The following CNTNAP2 variants were observed in gnomAD, a reference collection of about 807,000 sequenced individuals.
CNTNAP2 encodes contactin-associated protein-like 2.
In CNTNAP2, 98 loss-of-function variants were observed where a neutral mutation model predicts 155.2. That is an observed-to-expected ratio of 0.63 (90% CI 0.54 to 0.75). The LOEUF is 0.75. CNTNAP2 is among the 30% of genes least tolerant of loss of function. CNTNAP2 has a pLI of 0.00. For missense variants in CNTNAP2, 1,727 were observed against 1,688.1 expected (o/e 1.02, Z -0.40); for synonymous variants, 651 against 631.2 (o/e 1.03, Z -0.47).
intron 1 of CNTNAP2, among the ~76,000 whole-genome samples, chr7:146,491,639 G>C (rs527524904): frequency 6.6e-6 from 1 of 152,250 alleles, no homozygotes; most frequent in Non-Finnish European, 1.5e-5. Context: ...GAGGATGCCA[G>C]GCACCCATCA....
In CNTNAP2 at chr7:147,477,324, T is replaced by G. The variant is rs567059772; in HGVS notation, c.1671-8611T>G. The stretch of plus-strand genomic sequence containing the variant: ...TATAACCTCAAACTGAAAATGCCAC[T>G]GATTATCACTGGTTTCTACACACAG... On this transcript the variant is annotated intron_variant, in intron 10 of 23. Coordinates refer to ENST00000361727, the MANE Select transcript of CNTNAP2 (RefSeq NM_014141.6). Among the ~76,000 whole-genome samples the G allele has an allele frequency of 2.0e-5, 3 of 152,346 alleles. No individual in the cohort carries two copies. In the South Asian group the frequency reaches 6.2e-4, roughly 32 times the overall value.
chr7:147,822,098 T>C (rs556947528), intron 13 of CNTNAP2, among the ~76,000 whole-genome samples: 1 of 152,218 alleles, frequency 6.6e-6, no homozygotes, highest in South Asian at 2.1e-4. Flanking sequence ...ATGGAAGTCT[T>C]CTATGGTCTG....
chr7:146,327,364 C>A (rs746399427), intron 1 of CNTNAP2, among the ~76,000 whole-genome samples: 1 of 152,118 alleles, frequency 6.6e-6, no homozygotes, highest in Non-Finnish European at 1.5e-5. Flanking sequence ...TAGCATCAGG[C>A]AGATGGCAGA....
intron 8 of CNTNAP2, among the ~76,000 whole-genome samples, chr7:147,198,469 C>A (rs775866874): frequency 1.3e-5 from 2 of 152,112 alleles, no homozygotes; most frequent in African/African-American, 4.8e-5. Flanking sequence ...TGACCTCAGG[C>A]GATCCACCCA....
intron 8 of CNTNAP2, among the ~76,000 whole-genome samples, chr7:147,205,246 C>A (rs1802999744): frequency 6.6e-6 from 1 of 152,074 alleles, no homozygotes; most frequent in African/African-American, 2.4e-5. Flanking sequence ...CCGCCACCCT[C>A]CCTCCTTCTA....
At chr7:147,758,355 C>T (rs905263169) in intron 13 of CNTNAP2, among the ~76,000 whole-genome samples, 9 of 152,296 alleles carry the variant, frequency 5.9e-5, no homozygotes, top group East Asian at 3.9e-4. Flanking sequence ...CCAAGAAGTT[C>T]ATGGCAGCCA....
intron 2 of CNTNAP2, among the ~76,000 whole-genome samples, chr7:146,776,836 C>T (rs775445141): frequency 2.5e-4 from 38 of 152,162 alleles, no homozygotes; most frequent in Non-Finnish European, 3.5e-4. Context: ...TTTATCTACT[C>T]ATACAGAGAG....
At chr7:146,892,325 C>G (rs914116719) in intron 3 of CNTNAP2, among the ~76,000 whole-genome samples, 1 of 152,054 alleles carries the variant, frequency 6.6e-6, no homozygotes, top group African/African-American at 2.4e-5. Flanking sequence ...TGAATGCAGC[C>G]AATCTTTTAG....
chr7:147,570,037 G>T (rs1274361893), intron 12 of CNTNAP2, among the ~76,000 whole-genome samples: 1 of 152,204 alleles, frequency 6.6e-6, no homozygotes, highest in Non-Finnish European at 1.5e-5. Flanking sequence ...CTGCCTTGTG[G>T]CTCTGCCTGT....
At chr7:147,894,491 C>T (rs1799744585) in intron 13 of CNTNAP2, among the ~76,000 whole-genome samples, 1 of 152,164 alleles carries the variant, frequency 6.6e-6, no homozygotes, top group African/African-American at 2.4e-5. Flanking sequence ...TAGTGAAAAG[C>T]GTGTTTGTGC....
intron 8 of CNTNAP2, among the ~76,000 whole-genome samples, chr7:147,228,872 G>T (rs1162491691): frequency 6.6e-5 from 10 of 151,004 alleles, no homozygotes; most frequent in Middle Eastern, 3.4e-3. Context: ...TGTTCTCATT[G>T]TTCAACTCCC....
intron 3 of CNTNAP2, among the ~76,000 whole-genome samples, chr7:146,935,436 G>C (rs1053674557): frequency 1.3e-5 from 2 of 152,178 alleles, no homozygotes; most frequent in Non-Finnish European, 2.9e-5. Context: ...TAATCAGTCA[G>C]AAACAGAACT....
At chr7:146,766,614 GCCT>G (rs1158647528) in intron 1 of CNTNAP2, among the ~76,000 whole-genome samples, 1 of 152,142 alleles carries the variant, frequency 6.6e-6, no homozygotes, top group African/African-American at 2.4e-5. Context: ...GAGATCTGAA[GCCT>G]CCTCATCTAT....
chr7:146,379,907 G>A (rs1412154810), intron 1 of CNTNAP2, among the ~76,000 whole-genome samples: 2 of 152,106 alleles, frequency 1.3e-5, no homozygotes, highest in Non-Finnish European at 2.9e-5. Context: ...TTCAAATTTA[G>A]CTAAGCATTT....
intron 1 of CNTNAP2, among the ~76,000 whole-genome samples, chr7:146,292,412 G>A (rs1298760945): frequency 6.6e-6 from 1 of 152,138 alleles, no homozygotes; most frequent in South Asian, 2.1e-4. Context: ...TAACAAAACT[G>A]CCCATTAGCA....
chr7:146,184,065 T>A (rs1477724070), intron 1 of CNTNAP2, among the ~76,000 whole-genome samples: 2 of 152,174 alleles, frequency 1.3e-5, no homozygotes, highest in Non-Finnish European at 2.9e-5. Flanking sequence ...TTCTTCCATA[T>A]GCCCATGCTC....
At chr7:146,873,307 A>T (rs879711174) in intron 3 of CNTNAP2, among the ~76,000 whole-genome samples, 6 of 152,230 alleles carry the variant, frequency 3.9e-5, no homozygotes, top group Non-Finnish European at 7.3e-5. Context: ...AGGAGCTAAC[A>T]TGAGTTGCTG....
intron 1 of CNTNAP2, among the ~76,000 whole-genome samples, chr7:146,711,556 C>T (rs1801072875): frequency 6.7e-6 from 1 of 149,206 alleles, no homozygotes; most frequent in South Asian, 2.1e-4. Context: ...TAGACTGACC[C>T]TAGAAACACC....
intron 4 of CNTNAP2, among the ~76,000 whole-genome samples, chr7:147,104,696 A>G (rs1157262861): frequency 1.3e-5 from 2 of 150,604 alleles, no homozygotes; most frequent in Non-Finnish European, 3.0e-5. Flanking sequence ...ATTCTTTTAT[A>G]AGTGTCTTTT....
Sources: allele counts gnomAD v4.1 joint callset (sites outside exome capture counted in the v4.1 genomes callset), GRCh38; gene constraint gnomAD v4.1.1; transcripts MANE v1.5; gene names NCBI Gene and HGNC (gene_info 2026-07-23, HGNC 2026-07-21).